Variants in PPP1R9A observed in about 807,000 individuals in gnomAD.
The protein encoded by PPP1R9A is protein phosphatase 1 regulatory subunit 9A.
A neutral mutation model predicts 141.9 loss-of-function variants in PPP1R9A; 59 were observed. That is an observed-to-expected ratio of 0.42 (90% confidence interval 0.34 to 0.52). The LOEUF is 0.52. Among genes scored for constraint, PPP1R9A ranks in the 20% least tolerant of loss-of-function variants. PPP1R9A has a pLI of 0.10. For missense variants in PPP1R9A, 1,444 were observed against 1,611.9 expected (o/e 0.90, Z 1.78); for synonymous variants, 500 against 569.7 (o/e 0.88, Z 1.74).
chr7:94,981,792 A>T (rs1034785162), intron 2 of PPP1R9A, among the ~76,000 whole-genome samples: 2 of 152,094 alleles, frequency 1.3e-5, no homozygotes, highest in Non-Finnish European at 2.9e-5. Flanking sequence ...TGCTGTGATT[A>T]TTACAGAGAA....
intron 2 of PPP1R9A, among the ~76,000 whole-genome samples, chr7:95,015,156 G>A (rs1804917350): frequency 6.6e-6 from 1 of 151,452 alleles, no homozygotes; most frequent in Admixed American, 6.6e-5. Context: ...ATTTATAATG[G>A]ATTATCATTG....
intron 5 of PPP1R9A, among the ~76,000 whole-genome samples, chr7:95,172,576 A>AT (rs1368776600): frequency 2.6e-5 from 4 of 151,824 alleles, no homozygotes; most frequent in Non-Finnish European, 5.9e-5. Flanking sequence ...AAATCTAACA[A>AT]TATATTGCAG....
chr7:95,292,320 TG>T lies in PPP1R9A; in HGVS notation c.*2019del, dbSNP rs1563578609. On this transcript the variant is annotated 3_prime_UTR_variant, in exon 20 of 20. Transcript: ENST00000433360. Reference sequence around the variant, plus strand: ...CTAAAACACTAAATTAGTAAAAATCTGGTAATATTAGTGCTTGCTATTGTAA... The same window carrying T: ...CTAAAACACTAAATTAGTAAAAATCTGTAATATTAGTGCTTGCTATTGTAA... 6.6e-6 allele frequency: 1 copy of T among 152,628 alleles called. No homozygotes were observed. The highest frequency in any genetic ancestry group is 1.5e-5 in the Non-Finnish European group (1 of 68,032). 9.5% of individuals were successfully genotyped at this position (152,628 alleles called of 1,614,324 possible).
At chr7:95,097,311 C>T (rs1818176127) in intron 2 of PPP1R9A, among the ~76,000 whole-genome samples, 1 of 152,126 alleles carries the variant, frequency 6.6e-6, no homozygotes, top group African/African-American at 2.4e-5. Flanking sequence ...CAGGTGTGAG[C>T]CACCGTGTCT....
chr7:95,132,461 A>G (rs1824828291), intron 4 of PPP1R9A, among the ~76,000 whole-genome samples: 1 of 152,104 alleles, frequency 6.6e-6, no homozygotes, highest in African/African-American at 2.4e-5. Context: ...GTTTTTAATT[A>G]TGTTTATGTG....
chr7:95,222,753 G>C (rs538303591), intron 7 of PPP1R9A, among the ~76,000 whole-genome samples: 1 of 152,048 alleles, frequency 6.6e-6, no homozygotes, highest in African/African-American at 2.4e-5. Flanking sequence ...TGTTGGTTTT[G>C]GGTTTTTTTG....
chr7:95,186,224 T>G (rs1262082681), intron 5 of PPP1R9A, among the ~76,000 whole-genome samples: 1 of 152,048 alleles, frequency 6.6e-6, no homozygotes, highest in Non-Finnish European at 1.5e-5. Flanking sequence ...GTAGTTTTCC[T>G]TGTAGAGATC....
chr7:94,948,786 C>G (rs1040857241), intron 2 of PPP1R9A, among the ~76,000 whole-genome samples: 1 of 152,074 alleles, frequency 6.6e-6, no homozygotes, highest in Non-Finnish European at 1.5e-5. Flanking sequence ...CTTGGGACTC[C>G]ATGGTCTTTC....
rs574172572 is a variant in PPP1R9A, at chr7:95,274,095, C to T, written c.3223C>T (p.Arg1075Ter). ...TTACTATCATTACAGGGCGCCTTTG[C>T]GAAGGAATTCCAGCAAGGGAAAGAA... ...RKFVDLGAPL[R>*]RNSSKGKKWK... Residue 1075 changes from arginine to a stop codon, truncating the protein, a stop_gained, in exon 16 of 20, where the codon CGA (arginine) becomes TGA (stop). Transcript: ENST00000433360. LOFTEE classifies it high-confidence loss of function. 65 of 1,580,522 alleles carry T rather than the reference C, an allele frequency of 4.1e-5. 1 individual carries two copies. In the Admixed American group the frequency reaches 7.3e-4, roughly 18 times the overall value.
At chr7:95,250,626 C>T (rs901826155) in intron 10 of PPP1R9A, among the ~76,000 whole-genome samples, 1 of 152,154 alleles carries the variant, frequency 6.6e-6, no homozygotes, top group East Asian at 1.9e-4. Context: ...ATGTGGAGCA[C>T]GCAAGCCACA....
At chr7:95,262,975 A>C (rs1800662106) in intron 12 of PPP1R9A, among the ~76,000 whole-genome samples, 1 of 152,172 alleles carries the variant, frequency 6.6e-6, no homozygotes. Flanking sequence ...GTAATAACTG[A>C]AAGCTAAGCC....
chr7:95,199,838 G>C (rs979557754), intron 6 of PPP1R9A, among the ~76,000 whole-genome samples: 1 of 152,056 alleles, frequency 6.6e-6, no homozygotes, highest in African/African-American at 2.4e-5. Context: ...CTTTACATTA[G>C]TATTTTGTAT....
chr7:94,966,936 G>T (rs527431482), intron 2 of PPP1R9A, among the ~76,000 whole-genome samples: 7 of 152,134 alleles, frequency 4.6e-5, no homozygotes, highest in South Asian at 4.2e-4. Context: ...CTGTGAATTC[G>T]TCTGGTCCTG....
At chr7:95,218,180 T>C (rs1018922426) in intron 7 of PPP1R9A, among the ~76,000 whole-genome samples, 2 of 152,234 alleles carry the variant, frequency 1.3e-5, no homozygotes, top group Non-Finnish European at 2.9e-5. Flanking sequence ...TTTGTTCTCA[T>C]TGGTTTCAAA....
chr7:95,094,737 G>A (rs905786636), intron 2 of PPP1R9A, among the ~76,000 whole-genome samples: 3 of 151,556 alleles, frequency 2.0e-5, no homozygotes, highest in Admixed American at 6.6e-5. Flanking sequence ...AAAATTAGCC[G>A]GGCATGGTGG....
intron 2 of PPP1R9A, among the ~76,000 whole-genome samples, chr7:95,039,510 A>C (rs1434062749): frequency 6.6e-6 from 1 of 151,814 alleles, no homozygotes; most frequent in Non-Finnish European, 1.5e-5. Context: ...GTGAGCCAAG[A>C]TCATGCCACT....
At chr7:95,239,008 G>A (rs953098475) in intron 8 of PPP1R9A, among the ~76,000 whole-genome samples, 4 of 151,904 alleles carry the variant, frequency 2.6e-5, no homozygotes, top group African/African-American at 9.7e-5. Context: ...TCTATTTAAT[G>A]TTTTATTACA....
At chr7:95,023,394 G>A (rs528736891) in intron 2 of PPP1R9A, among the ~76,000 whole-genome samples, 18 of 151,708 alleles carry the variant, frequency 1.2e-4, no homozygotes, top group South Asian at 6.3e-4. Context: ...TCTGGCTAGC[G>A]GTCTATTTTG....
At chr7:95,166,146 TTC>T (rs1831219192) in intron 5 of PPP1R9A, among the ~76,000 whole-genome samples, 2 of 98,514 alleles carry the variant, frequency 2.0e-5, no homozygotes, top group East Asian at 3.1e-4. Context: ...GAAACTCCAT[TTC>T]AAAAAAAAAA....
Sources: gnomAD v4.1 joint callset for allele counts (sites outside exome capture counted in the v4.1 genomes callset) on GRCh38, gnomAD v4.1.1 for gene constraint, MANE v1.5 for transcripts, NCBI Gene and HGNC (gene_info 2026-07-23, HGNC 2026-07-21) for gene names.